Variants in ABCC1 observed in about 807,000 individuals in gnomAD.
ABCC1 encodes ATP binding cassette subfamily C member 1 (ABCC1 blood group).
A neutral mutation model predicts 172.9 loss-of-function variants in ABCC1; 83 were observed. The ratio of observed to expected loss-of-function variants is 0.48; its 90% confidence interval spans 0.40 to 0.58. The LOEUF (loss-of-function observed/expected upper bound fraction) is 0.58. ABCC1 is among the 20% of genes least tolerant of loss of function. The probability of loss-of-function intolerance (pLI) is 0.00; values close to 1 mark genes in which losing one functional copy is unlikely to be tolerated. For missense variants in ABCC1, 1,817 were observed against 2,002.7 expected (o/e 0.91, Z 1.77); for synonymous variants, 937 against 825.2 (o/e 1.14, Z -2.32).
intron 7 of ABCC1, among the ~76,000 whole-genome samples, chr16:16,041,211 C>T (rs768858519): frequency 1.1e-4 from 16 of 151,484 alleles, no homozygotes; most frequent in Non-Finnish European, 1.8e-4. Context: ...GTATTACAGG[C>T]GTGAGCCACT....
intron 13 of ABCC1, among the ~76,000 whole-genome samples, chr16:16,069,957 G>A (rs955069668): frequency 6.6e-6 from 1 of 152,102 alleles, no homozygotes; most frequent in Non-Finnish European, 1.5e-5. Flanking sequence ...CTGGGAGGTG[G>A]AGGTTGCCGA....
intron 4 of ABCC1, among the ~76,000 whole-genome samples, chr16:16,015,242 C>G (rs1050203892): frequency 6.6e-6 from 1 of 151,136 alleles, no homozygotes; most frequent in African/African-American, 2.4e-5. Flanking sequence ...TATGTTCAAG[C>G]GATTCTCCTG....
chr16:15,975,780 T>G (rs1352352602), intron 1 of ABCC1, among the ~76,000 whole-genome samples: 1 of 151,864 alleles, frequency 6.6e-6, no homozygotes, highest in Non-Finnish European at 1.5e-5. Flanking sequence ...GGTCTGGAAC[T>G]CCCAACCTCA....
In ABCC1 at chr16:16,117,706, GAGCAGCCTGACC is replaced by G. The variant is rs1185567319; in HGVS notation, c.3390+2632_3390+2643del. 2.0e-5 allele frequency among the ~76,000 whole-genome samples: 3 copies of G among 152,326 alleles called. No individual in the cohort carries two copies. In the East Asian group the frequency reaches 5.8e-4, roughly 29 times the overall value. On this transcript the variant is annotated intron_variant, in intron 23 of 30. Coordinates refer to ENST00000399410, the MANE Select transcript of ABCC1 (RefSeq NM_004996.4). ...GTATCACCTGAAGTCAGGAGTTCGA[GAGCAGCCTGACC>G]AATATGGTGAAACCCCACCTCTACT...
intron 1 of ABCC1, among the ~76,000 whole-genome samples, chr16:15,998,993 T>C (rs111593036): frequency 6.6e-6 from 1 of 151,876 alleles, no homozygotes; most frequent in Non-Finnish European, 1.5e-5. Context: ...TTTAAAAAAA[T>C]TAAAAAAAAA....
intron 19 of ABCC1, among the ~76,000 whole-genome samples, chr16:16,101,656 C>T (rs1455334623): frequency 2.6e-5 from 4 of 152,208 alleles, no homozygotes; most frequent in Non-Finnish European, 5.9e-5. Context: ...GTGCTGCTTT[C>T]TCTCCTGGCA....
rs763895748 is a variant in ABCC1, at chr16:16,048,307, T to A, written c.1380+4T>A. ...TGCTCTCTACCTCCTGTGGCTGGTGTGTGTTTAACGCCGTTTCCCTTTGCA... is the reference window on the plus strand; with the variant it reads ...TGCTCTCTACCTCCTGTGGCTGGTGAGTGTTTAACGCCGTTTCCCTTTGCA... On this transcript the variant is annotated splice_donor_region_variant and intron_variant, in intron 10 of 30. Transcript: ENST00000399410. The A allele has an allele frequency of 2.5e-6, 4 of 1,614,008 alleles. No homozygotes were observed. In the African/African-American group the frequency reaches 5.3e-5, roughly 22 times the overall value.
chr16:16,058,009 C>G (rs544130066), intron 12 of ABCC1, among the ~76,000 whole-genome samples: 2 of 152,248 alleles, frequency 1.3e-5, no homozygotes, highest in African/African-American at 4.8e-5. Context: ...ATTACCCTTT[C>G]TCCCATTCCT....
chr16:16,111,077 T>C (rs1294033118), intron 21 of ABCC1, among the ~76,000 whole-genome samples: 1 of 152,132 alleles, frequency 6.6e-6, no homozygotes, highest in Non-Finnish European at 1.5e-5. Flanking sequence ...CTTTATATTT[T>C]TAATAGAGGC....
intron 7 of ABCC1, among the ~76,000 whole-genome samples, chr16:16,040,667 T>C (rs1045469058): frequency 2.0e-5 from 3 of 152,076 alleles, no homozygotes; most frequent in Non-Finnish European, 4.4e-5. Flanking sequence ...TAGTTACATA[T>C]GTATAGAGAC....
chr16:15,999,962 C>G (rs970957203), intron 1 of ABCC1, among the ~76,000 whole-genome samples: 2 of 149,320 alleles, frequency 1.3e-5, no homozygotes, highest in Non-Finnish European at 3.0e-5. Flanking sequence ...TCAAGTGATT[C>G]TTCTGCCTCA....
chr16:16,037,513 G>A (rs978885516), intron 7 of ABCC1, among the ~76,000 whole-genome samples: 5 of 152,306 alleles, frequency 3.3e-5, no homozygotes, highest in Admixed American at 1.3e-4. Context: ...AATTAAACAA[G>A]GACATAAGAC....
At chr16:16,123,244 A>T (rs1009609422) in intron 24 of ABCC1, among the ~76,000 whole-genome samples, 8 of 152,112 alleles carry the variant, frequency 5.3e-5, no homozygotes, top group Admixed American at 2.6e-4. Context: ...TGCAATGGAG[A>T]AAAGATCAAC....
chr16:16,061,071 A>G (rs2049888778), intron 12 of ABCC1, among the ~76,000 whole-genome samples: 1 of 151,644 alleles, frequency 6.6e-6, no homozygotes. Context: ...GTACAGGCGC[A>G]CGCCACCATG....
intron 1 of ABCC1, among the ~76,000 whole-genome samples, chr16:15,971,099 C>T (rs1167791460): frequency 1.3e-5 from 2 of 152,160 alleles, no homozygotes; most frequent in African/African-American, 4.8e-5. Flanking sequence ...CGGAGGAGGG[C>T]TCCAAAGCTG....
chr16:16,114,289 C>A (rs2044746315), intron 22 of ABCC1, among the ~76,000 whole-genome samples: 1 of 152,080 alleles, frequency 6.6e-6, no homozygotes, highest in African/African-American at 2.4e-5. Context: ...GTGCTTAGCA[C>A]ATAGGAAGTA....
chr16:15,981,108 A>G (rs1333380545), intron 1 of ABCC1, among the ~76,000 whole-genome samples: 1 of 152,198 alleles, frequency 6.6e-6, no homozygotes, highest in Non-Finnish European at 1.5e-5. Context: ...GGCTCTAGCT[A>G]TGGCCTTGGG....
At chr16:16,033,898 TACAG>T (rs1049825566) in intron 6 of ABCC1, among the ~76,000 whole-genome samples, 10 of 152,288 alleles carry the variant, frequency 6.6e-5, no homozygotes, top group Admixed American at 3.3e-4. Context: ...GTGCTGGGAT[TACAG>T]GTGTGAGCCA....
In ABCC1 at chr16:16,060,989, G is replaced by T. The variant is rs1446870377; in HGVS notation, c.1677+4694G>T. ...CTACTACCATGCCCAGCTAAGTTTTGTATTTTTAGTAGAGACGGGGTTTCA... is the reference window on the plus strand; with the variant it reads ...CTACTACCATGCCCAGCTAAGTTTTTTATTTTTAGTAGAGACGGGGTTTCA... On this transcript the variant is annotated intron_variant, in intron 12 of 30. Coordinates refer to ENST00000399410, the MANE Select transcript of ABCC1 (RefSeq NM_004996.4). 6.6e-5 allele frequency among the ~76,000 whole-genome samples: 10 copies of T among 152,076 alleles called. No homozygotes were observed. In the East Asian group the frequency reaches 1.9e-3, roughly 29 times the overall value.
Sources: allele counts gnomAD v4.1 joint callset (sites outside exome capture counted in the v4.1 genomes callset), GRCh38; gene constraint gnomAD v4.1.1; transcripts MANE v1.5; gene names NCBI Gene and HGNC (gene_info 2026-07-23, HGNC 2026-07-21).